Variants in KCNB2 observed in about 807,000 individuals in gnomAD.
KCNB2 encodes delayed rectifier potassium channel protein.
In KCNB2, 15 loss-of-function variants were observed where a neutral mutation model predicts 61.5. The observed-to-expected ratio is 0.24, with a 90% CI of 0.16 to 0.38. The LOEUF is 0.38. KCNB2 is among the 10% of genes least tolerant of loss of function. The pLI is 1.00. For synonymous variants in KCNB2, 457 were observed against 446.0 expected (o/e 1.02, Z -0.31); for missense variants, 828 against 1,125.2 (o/e 0.74, Z 3.78).
At position 72,920,457 on chromosome 8, in the gene KCNB2, C is replaced by CTATATATATATATATA. The variant is rs1286454103; in HGVS notation, c.580-15475_580-15474insATATATATATATATAT. On this transcript the variant is annotated intron_variant, in intron 2 of 2. Coordinates refer to ENST00000523207, the MANE Select transcript of KCNB2 (RefSeq NM_004770.3). ...CTCTCCACTATATCTATCTATCTAT[C>CTATATATATATATATA]TATCTATCTATCTATCTATATATAT... Among the ~76,000 whole-genome samples, 140 of 68,428 alleles carry CTATATATATATATATA rather than the reference C, an allele frequency of 2.0e-3. 7 individuals are homozygous for CTATATATATATATATA. The highest frequency in any genetic ancestry group is 4.8e-3 in the Admixed American group (32 of 6,640). 44.9% of individuals were successfully genotyped at this position (68,428 alleles called of 152,430 possible). A position where few individuals can be genotyped will look rare whatever the true frequency, so the allele number is the denominator to read the frequency against.
intron 2 of KCNB2, among the ~76,000 whole-genome samples, chr8:72,727,295 AT>A (rs1807668007): frequency 6.6e-6 from 1 of 152,210 alleles, no homozygotes; most frequent in African/African-American, 2.4e-5. Flanking sequence ...TTGTTTAGCT[AT>A]CAAATATTTT....
chr8:72,632,078 A>C (rs550740134), intron 2 of KCNB2, among the ~76,000 whole-genome samples: 1 of 147,726 alleles, frequency 6.8e-6, no homozygotes, highest in East Asian at 2.6e-4. Flanking sequence ...TCTTTTAAAA[A>C]AAGATTTTTT....
At chr8:72,638,611 AT>A (rs1454840897) in intron 2 of KCNB2, among the ~76,000 whole-genome samples, 1 of 152,110 alleles carries the variant, frequency 6.6e-6, no homozygotes, top group African/African-American at 2.4e-5. Context: ...CTACCATCTA[AT>A]TTCTGCCTCT....
chr8:72,839,310 G>T (rs1809836230), intron 2 of KCNB2, among the ~76,000 whole-genome samples: 1 of 152,176 alleles, frequency 6.6e-6, no homozygotes, highest in Non-Finnish European at 1.5e-5. Context: ...TACAAGAGGT[G>T]TGTCTTCTGT....
chr8:72,556,414 A>G (rs1162792723), intron 1 of KCNB2, among the ~76,000 whole-genome samples: 1 of 152,126 alleles, frequency 6.6e-6, no homozygotes, highest in East Asian at 1.9e-4. Flanking sequence ...GAATATTTAT[A>G]AAGTGCCATA....
chr8:72,664,599 AAGAT>A (rs1257074744), intron 2 of KCNB2, among the ~76,000 whole-genome samples: 11 of 152,206 alleles, frequency 7.2e-5, no homozygotes, highest in Non-Finnish European at 1.3e-4. Context: ...TCTGATTTGA[AAGAT>A]AGAAAGCATC....
intron 2 of KCNB2, among the ~76,000 whole-genome samples, chr8:72,690,375 A>G (rs1806920742): frequency 1.3e-5 from 2 of 152,236 alleles, no homozygotes; most frequent in African/African-American, 4.8e-5. Flanking sequence ...ACCAAATGTC[A>G]TCAGTTAAAT....
At chr8:72,914,662 G>GGAT (rs1204550454) in intron 2 of KCNB2, among the ~76,000 whole-genome samples, 1 of 152,144 alleles carries the variant, frequency 6.6e-6, no homozygotes, top group African/African-American at 2.4e-5. Flanking sequence ...GGAGAAGACA[G>GGAT]GATGAAAGAA....
chr8:72,749,702 A>G (rs1368446385), intron 2 of KCNB2, among the ~76,000 whole-genome samples: 6 of 145,100 alleles, frequency 4.1e-5, no homozygotes, highest in Middle Eastern at 3.6e-3. Context: ...TTTGGCGTAT[A>G]CAAAAAAGTA....
At chr8:72,543,971 C>G (rs1806225574) in intron 1 of KCNB2, among the ~76,000 whole-genome samples, 1 of 152,128 alleles carries the variant, frequency 6.6e-6, no homozygotes, top group Admixed American at 6.5e-5. Flanking sequence ...AAATAAATAG[C>G]AACAAAATCA....
rs113561170 is a variant in KCNB2, at chr8:72,679,153, G to T, written c.579+110840G>T. ...TTTCATGGCAGGTTTGCTTTAAGGG[G>T]ATTTAGATTGAATATTTTCCAAAAT... On this transcript the variant is annotated intron_variant, in intron 2 of 2. Transcript: ENST00000523207. 1.5e-3 allele frequency among the ~76,000 whole-genome samples: 230 copies of T among 152,238 alleles called. 2 individuals carry two copies. Among genetic ancestry groups the T allele is most frequent in the African/African-American group, 5.3e-3 (221 of 41,540 alleles).
chr8:72,597,155 C>T (rs1807211822), intron 2 of KCNB2, among the ~76,000 whole-genome samples: 1 of 151,820 alleles, frequency 6.6e-6, no homozygotes, highest in Admixed American at 6.6e-5. Context: ...TCCTGAGTAG[C>T]TGGGACTACA....
rs1034163872 is a variant in KCNB2, at chr8:72,562,172, CT to C, written c.-93-5465del. Among the ~76,000 whole-genome samples the C allele has an allele frequency of 6.6e-5, 10 of 152,180 alleles. 1 individual carries two copies. Among genetic ancestry groups the C allele is most frequent in the African/African-American group, 2.4e-4 (10 of 41,532 alleles). On this transcript the variant is annotated intron_variant, in intron 1 of 2. Coordinates refer to ENST00000523207, the MANE Select transcript of KCNB2 (RefSeq NM_004770.3). ...TCACTTACAACTTTAGAAAGGTTTG[CT>C]TTTTATCTTCACAGGATCGCACATG... is the stretch of plus-strand genomic sequence containing the variant.
intron 2 of KCNB2, among the ~76,000 whole-genome samples, chr8:72,664,795 A>G (rs937553917): frequency 1.3e-5 from 2 of 152,220 alleles, no homozygotes; most frequent in Non-Finnish European, 2.9e-5. Context: ...TATGTTAGAA[A>G]ACGATAACTG....
intron 2 of KCNB2, among the ~76,000 whole-genome samples, chr8:72,903,199 G>C (rs187153134): frequency 6.6e-5 from 10 of 152,320 alleles, no homozygotes; most frequent in Middle Eastern, 3.4e-3. Flanking sequence ...GTGAGGACAA[G>C]TGGTTTATTT....
chr8:72,785,946 AACTAT>A (rs1367348993), intron 2 of KCNB2, among the ~76,000 whole-genome samples: 1 of 152,028 alleles, frequency 6.6e-6, no homozygotes, highest in Non-Finnish European at 1.5e-5. Context: ...TTAAATTCAT[AACTAT>A]TTCCATATTG....
chr8:72,671,592 A>G lies in KCNB2; in HGVS notation c.579+103279A>G, dbSNP rs141964362. Among the ~76,000 whole-genome samples the G allele has an allele frequency of 8.2e-3, 1,256 of 152,258 alleles. 15 individuals carry two copies. Among genetic ancestry groups the G allele is most frequent in the African/African-American group, 0.029 (1,205 of 41,542 alleles). On this transcript the variant is annotated intron_variant, in intron 2 of 2. Transcript: ENST00000523207. ...TAATATATGAAGGAGAATACAGCAG[A>G]CTGCCAGCCATAATGCCTCCATCTT...
intron 2 of KCNB2, among the ~76,000 whole-genome samples, chr8:72,918,921 A>C (rs938249120): frequency 1.2e-4 from 18 of 152,218 alleles, no homozygotes; most frequent in Non-Finnish European, 2.2e-4. Flanking sequence ...AAAACCTAGA[A>C]GTCTAAAAGA....
chr8:72,894,228 C>T (rs997557491), intron 2 of KCNB2, among the ~76,000 whole-genome samples: 3 of 151,804 alleles, frequency 2.0e-5, no homozygotes, highest in East Asian at 1.9e-4. Flanking sequence ...ATACAAAGAC[C>T]GTAAAGGTGG....
Sources: gnomAD v4.1 joint callset for allele counts (sites outside exome capture counted in the v4.1 genomes callset) on GRCh38, gnomAD v4.1.1 for gene constraint, MANE v1.5 for transcripts, NCBI Gene and HGNC (gene_info 2026-07-23, HGNC 2026-07-21) for gene names.